Variants in EYS observed in about 807,000 individuals in gnomAD.
EYS encodes protein eyes shut homolog.
In EYS, 250 loss-of-function variants were observed where a neutral mutation model predicts 282.1. The observed-to-expected ratio is 0.89, with a 90% confidence interval of 0.80 to 0.98. EYS has a LOEUF of 0.98. EYS is among the 50% of genes least tolerant of loss of function. EYS has a pLI of 0.00. For missense variants in EYS, 4,016 were observed against 3,709.0 expected, an observed-to-expected ratio of 1.08 and a Z score of -2.15; for synonymous variants, 1,355 against 1,282.9, an observed-to-expected ratio of 1.06 and a Z score of -1.20.
chr6:65,043,776 T>C (rs190108868), intron 13 of EYS, among the ~76,000 whole-genome samples: 264 of 151,704 alleles, frequency 1.7e-3, no homozygotes, highest in African/African-American at 6.3e-3. Flanking sequence ...TATTTATCCA[T>C]TCTTCCATTG....
At chr6:65,524,805 T>C (rs1767495472) in intron 2 of EYS, among the ~76,000 whole-genome samples, 1 of 152,224 alleles carries the variant, frequency 6.6e-6, no homozygotes, top group Admixed American at 6.5e-5. Context: ...ACATCCAAAG[T>C]ATCTAATATA....
At chr6:65,478,274 G>A (rs991822085) in intron 5 of EYS, among the ~76,000 whole-genome samples, 8 of 152,058 alleles carry the variant, frequency 5.3e-5, no homozygotes, top group Non-Finnish European at 1.0e-4. Context: ...TAGAGCAAAC[G>A]ACTGGTTAAG....
At chr6:65,475,810 C>A (rs1176681253) in intron 5 of EYS, among the ~76,000 whole-genome samples, 1 of 151,286 alleles carries the variant, frequency 6.6e-6, no homozygotes, top group Non-Finnish European at 1.5e-5. Flanking sequence ...GAAAGAGAGA[C>A]ATTAGCACTT....
At chr6:65,077,465 T>C (rs1351656671) in intron 12 of EYS, among the ~76,000 whole-genome samples, 3 of 152,124 alleles carry the variant, frequency 2.0e-5, no homozygotes. Flanking sequence ...TGAAATTGCA[T>C]GGTATTAAGA....
intron 26 of EYS, among the ~76,000 whole-genome samples, chr6:64,475,743 A>T (rs1005076659): frequency 0.062 from 1 of 16 alleles, no homozygotes; most frequent in African/African-American, 0.083. Context: ...TAAAAGGAAT[A>T]AAAAAAAATC....
At chr6:65,699,491 C>T (rs1450922884) in intron 1 of EYS, among the ~76,000 whole-genome samples, 1 of 151,546 alleles carries the variant, frequency 6.6e-6, no homozygotes, top group Non-Finnish European at 1.5e-5. Flanking sequence ...GGTAGGGAAA[C>T]CAATAAGCCA....
rs188490261 is a variant in EYS, at chr6:65,493,146, C to T, written c.748+1517G>A. Among the ~76,000 whole-genome samples the T allele has an allele frequency of 3.7e-3, 569 of 152,220 alleles. 2 individuals carry two copies. The highest frequency in any genetic ancestry group is 0.013 in the African/African-American group (535 of 41,546). The stretch of plus-strand genomic sequence containing the variant: ...GCCAGGCTGGTCTTGAACTCCTTAC[C>T]TCAGGTGATCCGCCTGCCTCGGCCT... On this transcript the variant is annotated intron_variant, in intron 4 of 42. Transcript: ENST00000503581.
intron 35 of EYS, among the ~76,000 whole-genome samples, chr6:63,978,500 GT>G: frequency 6.6e-6 from 1 of 152,028 alleles, no homozygotes. Flanking sequence ...GTCTAAATGT[GT>G]GGTAAGAAAT....
chr6:64,693,462 A>G (rs962689678), intron 22 of EYS, among the ~76,000 whole-genome samples: 6 of 152,288 alleles, frequency 3.9e-5, no homozygotes, highest in Admixed American at 1.3e-4. Context: ...CTGCAACAGA[A>G]TAGAGTTCAG....
At chr6:63,804,859 C>T (rs1455962197) in intron 37 of EYS, among the ~76,000 whole-genome samples, 1 of 152,160 alleles carries the variant, frequency 6.6e-6, no homozygotes, top group East Asian at 1.9e-4. Flanking sequence ...GTAGGGAGAC[C>T]AGTCAGGAAG....
intron 14 of EYS, among the ~76,000 whole-genome samples, chr6:64,962,055 CA>C (rs1291580413): frequency 4.6e-5 from 7 of 152,032 alleles, no homozygotes; most frequent in African/African-American, 1.7e-4. Context: ...TTTCTATCTC[CA>C]AAACCTCAAA....
intron 22 of EYS, among the ~76,000 whole-genome samples, chr6:64,641,746 A>C (rs183634652): frequency 9.3e-4 from 141 of 152,200 alleles, no homozygotes; most frequent in African/African-American, 3.3e-3. Context: ...AGCGGTGGGT[A>C]AGGGAGCGTT....
intron 2 of EYS, among the ~76,000 whole-genome samples, chr6:65,510,415 T>C (rs1187794232): frequency 2.0e-5 from 3 of 152,098 alleles, no homozygotes; most frequent in Non-Finnish European, 2.9e-5. Flanking sequence ...CAGTCTATCA[T>C]TGATGGACAT....
chr6:65,079,385 T>C (rs2150170656), intron 12 of EYS, among the ~76,000 whole-genome samples: 1 of 152,244 alleles, frequency 6.6e-6, no homozygotes, highest in Admixed American at 6.5e-5. Context: ...CTTTTAAATA[T>C]GGTTGACAAC....
chr6:63,788,399 C>T, intron 38 of EYS, 150 bp from the exon 39 acceptor site: 2 of 611,078 alleles, frequency 3.3e-6, no homozygotes, highest in South Asian at 4.4e-5. Context: ...ACTCAATTCT[C>T]TGCTTCTCTG....
At chr6:65,003,895 C>A (rs781031611) in intron 13 of EYS, among the ~76,000 whole-genome samples, 6 of 147,304 alleles carry the variant, frequency 4.1e-5, no homozygotes, top group African/African-American at 1.5e-4. Flanking sequence ...CAGCCACATT[C>A]TGTATATAAT....
At chr6:64,581,804 A>G (rs916875010) in intron 26 of EYS, among the ~76,000 whole-genome samples, 2 of 152,166 alleles carry the variant, frequency 1.3e-5, no homozygotes, top group Admixed American at 6.6e-5. Context: ...GGATAGATCT[A>G]AGGGCTTCAC....
chr6:65,520,486 G>A (rs1767324186), intron 2 of EYS, among the ~76,000 whole-genome samples: 1 of 151,952 alleles, frequency 6.6e-6, no homozygotes, highest in South Asian at 2.1e-4. Flanking sequence ...TAATGTCTAA[G>A]TTTTCATAAT....
At chr6:64,618,231 A>G (rs1403114535) in intron 23 of EYS, among the ~76,000 whole-genome samples, 1 of 152,174 alleles carries the variant, frequency 6.6e-6, no homozygotes, top group Non-Finnish European at 1.5e-5. Flanking sequence ...TAAGTATTCC[A>G]TAAGCTAATA....
Sources: allele counts gnomAD v4.1 joint callset (sites outside exome capture counted in the v4.1 genomes callset), GRCh38; gene constraint gnomAD v4.1.1; transcripts MANE v1.5; gene names NCBI Gene and HGNC (gene_info 2026-07-23, HGNC 2026-07-21).